Variants in EIF4E2 observed in about 807,000 individuals in gnomAD.
EIF4E2 encodes the protein eukaryotic translation initiation factor 4E type 2.
In EIF4E2, 13 loss-of-function variants were observed where a neutral mutation model predicts 34.2. That is an observed-to-expected ratio of 0.38 (90% CI 0.25 to 0.60). EIF4E2 has a LOEUF of 0.60. Ranked by LOEUF, EIF4E2 falls within the 20% of genes least tolerant of loss-of-function variation. The pLI, the probability that EIF4E2 is intolerant of heterozygous loss-of-function variation, is 0.62. For synonymous variants in EIF4E2, 100 were observed against 106.6 expected (o/e 0.94, Z 0.38); for missense variants, 222 against 315.1 (o/e 0.70, Z 2.24).
downstream of EIF4E2, among the ~76,000 whole-genome samples, chr2:232,571,732 T>C (rs1693096320): frequency 6.6e-6 from 1 of 152,200 alleles, no homozygotes; most frequent in Admixed American, 6.5e-5. Context: ...TGAACTTTTA[T>C]AGGCAAGGAC....
At position 232,556,541 on chromosome 2, in the gene EIF4E2, G is replaced by A. The variant is rs1692530605; in HGVS notation, c.135+11G>A. ...AGTAGCAAGAGAAAGGTGAGTGTTG[G>A]CTGCACAGATGTAGTTGCCTTTGAA... On this transcript the variant is annotated intron_variant, in intron 2 of 6. Transcript: ENST00000258416. 1 of 1,584,918 alleles carries A rather than the reference G, an allele frequency of 6.3e-7. No homozygotes were observed. Among genetic ancestry groups the A allele is most frequent in the Non-Finnish European group, 8.6e-7 (1 of 1,158,120 alleles).
chr2:232,554,538 T>C (rs1363618937), intron 1 of EIF4E2, among the ~76,000 whole-genome samples: 1 of 152,150 alleles, frequency 6.6e-6, no homozygotes, highest in Non-Finnish European at 1.5e-5. Context: ...ATTTTTAATC[T>C]GTAGATCTTG....
At chr2:232,553,425 T>G (rs1692415253) in intron 1 of EIF4E2, among the ~76,000 whole-genome samples, 1 of 152,226 alleles carries the variant, frequency 6.6e-6, no homozygotes, top group Non-Finnish European at 1.5e-5. Flanking sequence ...ACGGAGATTT[T>G]TTTTTATGCC....
chr2:232,566,716 G>T lies in EIF4E2; in HGVS notation c.376-113G>T. ...AGTTTTTCTATAGAGTTGAATAATT[G>T]GAAAGTGATATGACTTCTTAGTGTT... On this transcript the variant is annotated intron_variant, in intron 4 of 6. Coordinates refer to ENST00000258416, the MANE Select transcript of EIF4E2 (RefSeq NM_004846.4). The surrounding 1 kb of genome is among the most constrained non-coding windows in gnomAD (Gnocchi z 4.9). The T allele has an allele frequency of 8.3e-7, 1 of 1,209,174 alleles. No homozygotes were observed. Among genetic ancestry groups the T allele is most frequent in the Non-Finnish European group, 1.2e-6 (1 of 864,552 alleles). 74.9% of individuals were successfully genotyped at this position (1,209,174 alleles called of 1,614,324 possible).
chr2:232,569,261 G>A (rs140008370), downstream of EIF4E2: 104 of 1,344,452 alleles, frequency 7.7e-5, no homozygotes, highest in East Asian at 2.2e-3. Context: ...GTGGCCTTTC[G>A]GACTGACTGT....
At chr2:232,558,255 AAAG>A in intron 3 of EIF4E2, 1 of 387,596 alleles carries the variant, frequency 2.6e-6, no homozygotes, top group Admixed American at 4.5e-5. Context: ...GCATAATACA[AAAG>A]AACAGATTTG....
In EIF4E2 at chr2:232,566,893, G is replaced by T; in HGVS notation, c.440G>T (p.Cys147Phe). The T allele has an allele frequency of 6.2e-7, 1 of 1,613,754 alleles. No individual in the cohort carries two copies. Among genetic ancestry groups the T allele is most frequent in the Non-Finnish European group, 8.5e-7 (1 of 1,179,904 alleles). The change falls in exon 5 of 7, where the codon TGC becomes TTC. Residue 147 changes from cysteine (C) to phenylalanine (F), a missense_variant. Cys to Phe is a radical substitution (Grantham distance 205). Coordinates refer to ENST00000258416, the MANE Select transcript of EIF4E2 (RefSeq NM_004846.4). This position sits in a 1 kb window ranked among gnomAD's most constrained non-coding sequence, Gnocchi z 4.9. The stretch of plus-strand genomic sequence containing the variant: ...CTGCGGAAGGGCTTGGCCTCCCGTT[G>T]CTGGGAGAATCTCATTTTGGCCATG... ...IRLRKGLASRCWENLILAMLG... is the reference protein window; with the variant it reads ...IRLRKGLASRFWENLILAMLG...
downstream of EIF4E2, among the ~76,000 whole-genome samples, chr2:232,570,442 C>A (rs566935281): frequency 6.6e-6 from 1 of 152,190 alleles, no homozygotes; most frequent in African/African-American, 2.4e-5. Context: ...ACTTTAATTT[C>A]AGCTGTATTG....
At chr2:232,557,774 A>G in intron 2 of EIF4E2, 110 bp from the exon 3 acceptor site, 2 of 1,250,210 alleles carry the variant, frequency 1.6e-6, no homozygotes, top group African/African-American at 1.5e-5. Flanking sequence ...TTGAGGTTGT[A>G]TATCCTTTTT....
At chr2:232,552,500 A>AC (rs532675047) in intron 1 of EIF4E2, among the ~76,000 whole-genome samples, 84 of 152,080 alleles carry the variant, frequency 5.5e-4, no homozygotes, top group African/African-American at 1.9e-3. Context: ...ATGAGCCACC[A>AC]CCCCCAGCCT....
chr2:232,558,228 T>A, intron 3 of EIF4E2: 1 of 535,586 alleles, frequency 1.9e-6, no homozygotes, highest in Non-Finnish European at 3.2e-6. Flanking sequence ...ATGAGAATTG[T>A]AGAGTTGATC....
Position 232,558,061 on chromosome 2 carries a change from T to C in EIF4E2, c.270+43T>C, listed in dbSNP as rs374461889. ...TAATGGAGTGTGCCTTGATAGTTCGTTCATGCCTGTATTGATATGATGTTT... is the reference window on the plus strand; with the variant it reads ...TAATGGAGTGTGCCTTGATAGTTCGCTCATGCCTGTATTGATATGATGTTT... On this transcript the variant is annotated intron_variant, in intron 3 of 6. Transcript: ENST00000258416. 1.4e-4 allele frequency: 223 copies of C among 1,608,200 alleles called. No homozygotes were observed. In the African/African-American group the frequency reaches 2.7e-3, roughly 19 times the overall value.
Position 232,566,900 on chromosome 2 carries a change from G to A in EIF4E2, c.447G>A (p.Glu149=), listed in dbSNP as rs762235956. ...AGGGCTTGGCCTCCCGTTGCTGGGAGAATCTCATTTTGGCCATGCTGGGGG... is the reference window on the plus strand; with the variant it reads ...AGGGCTTGGCCTCCCGTTGCTGGGAAAATCTCATTTTGGCCATGCTGGGGG... The part of the protein sequence containing the change: ...LRKGLASRCW[E]NLILAMLGEQ... The change falls in exon 5 of 7, where the codon GAG becomes GAA. Residue 149 remains glutamate (E), a synonymous_variant. Transcript: ENST00000258416. The surrounding 1 kb of genome is among the most constrained non-coding windows in gnomAD (Gnocchi z 4.9). 6.2e-7 allele frequency: 1 copy of A among 1,613,490 alleles called. No homozygotes were observed. The highest frequency in any genetic ancestry group is 2.2e-5 in the East Asian group (1 of 44,880).
downstream of EIF4E2, among the ~76,000 whole-genome samples, chr2:232,570,442 C>T (rs566935281): frequency 5.3e-5 from 8 of 152,308 alleles, no homozygotes; most frequent in South Asian, 2.1e-4. Flanking sequence ...ACTTTAATTT[C>T]AGCTGTATTG....
chr2:232,554,901 G>A (rs1034438041), intron 1 of EIF4E2, among the ~76,000 whole-genome samples: 1 of 152,178 alleles, frequency 6.6e-6, no homozygotes, highest in African/African-American at 2.4e-5. Context: ...ATATTTTTGA[G>A]CAAGGCTCTG....
At chr2:232,553,659 A>G (rs1482943735) in intron 1 of EIF4E2, among the ~76,000 whole-genome samples, 4 of 152,196 alleles carry the variant, frequency 2.6e-5, no homozygotes, top group Non-Finnish European at 5.9e-5. Flanking sequence ...GAAGCTGGGA[A>G]GAGTAGCTTG....
chr2:232,567,073 G>C lies in EIF4E2; in HGVS notation c.529-5G>C, dbSNP rs115497824. On this transcript the variant is annotated splice_polypyrimidine_tract_variant and splice_region_variant and intron_variant, in intron 5 of 6. Transcript: ENST00000258416. ...CTTTGATGATTCCTTCTGTTCCTCT[G>C]GTAGGAAGACATTATTTCAATATGG... 3.1e-6 allele frequency: 5 copies of C among 1,612,840 alleles called. No homozygotes were observed. The African/African-American group carries it at 6.7e-5, about 22-fold the overall frequency.
chr2:232,551,128 A>T (rs1289714850), intron 1 of EIF4E2: 3 of 567,082 alleles, frequency 5.3e-6, no homozygotes, highest in Non-Finnish European at 1.0e-5. Flanking sequence ...CTTTCCCCAC[A>T]CACTCCCTCT....
rs779845297 is a variant in EIF4E2, at chr2:232,568,998, C to G, written c.719C>G (p.Pro240Arg). ...QRLLFQNLWK[P>R]RLNVP ...CTCCTTTTTCAAAACCTCTGGAAGC[C>G]GCGGTTGAATGTGCCATGACCCTCT... The change falls in exon 7 of 7, where the codon CCG (proline) becomes CGG (arginine). Residue 240 changes from proline to arginine, a missense_variant. This residue lies in a region of EIF4E2 where 30 missense variants were observed against 26.3 expected (regional missense o/e 1.14). Coordinates refer to ENST00000258416, the MANE Select transcript of EIF4E2 (RefSeq NM_004846.4). 1.1e-5 allele frequency: 17 copies of G among 1,614,054 alleles called. No homozygotes were observed. Among genetic ancestry groups the G allele is most frequent in the African/African-American group, 4.0e-5 (3 of 74,908 alleles).
Sources: gnomAD v4.1 joint callset for allele counts (sites outside exome capture counted in the v4.1 genomes callset) on GRCh38, gnomAD v4.1.1 for gene constraint, gnomAD v4.1.1 regional missense constraint, Gnocchi (gnomAD v3.1) non-coding constraint, MANE v1.5 for transcripts, NCBI Gene and HGNC (gene_info 2026-07-23, HGNC 2026-07-21) for gene names.